ABI3BP: variants seen among roughly 807,000 people sequenced by gnomAD.
The protein encoded by ABI3BP is target of Nesh-SH3.
ABI3BP carries 216 observed loss-of-function variants against 268.6 expected under a neutral mutation model. The observed-to-expected ratio is 0.80, with a 90% CI of 0.72 to 0.90. The LOEUF is 0.90. Among genes scored for constraint, ABI3BP ranks in the 40% least tolerant of loss-of-function variants. ABI3BP has a pLI of 0.00. For missense variants in ABI3BP, 2,090 were observed against 2,182.4 expected (o/e 0.96, Z 0.84); for synonymous variants, 730 against 730.0 (o/e 1.00, Z 0.00).
chr3:100,985,928 C>T (rs1297517439), intron 1 of ABI3BP, among the ~76,000 whole-genome samples: 1 of 152,214 alleles, frequency 6.6e-6, no homozygotes, highest in Non-Finnish European at 1.5e-5. Flanking sequence ...ATATCACTTG[C>T]TACCAGCCAT....
At chr3:100,921,687 T>G (rs750521691) in intron 2 of ABI3BP, among the ~76,000 whole-genome samples, 10 of 152,206 alleles carry the variant, frequency 6.6e-5, no homozygotes, top group Non-Finnish European at 1.3e-4. Flanking sequence ...AAATTTCATA[T>G]GAATATTAAT....
chr3:100,950,671 TCAAA>T (rs1322875242), intron 1 of ABI3BP, among the ~76,000 whole-genome samples: 1 of 152,034 alleles, frequency 6.6e-6, no homozygotes, highest in African/African-American at 2.4e-5. Context: ...CTCTTGCTGG[TCAAA>T]CACTCTTTTC....
chr3:100,930,958 A>T (rs1383659349), intron 1 of ABI3BP: 2 of 152,116 alleles, frequency 1.3e-5, no homozygotes, highest in African/African-American at 4.8e-5. Context: ...ATACTAGCAA[A>T]TCAATCCAGT....
intron 4 of ABI3BP, among the ~76,000 whole-genome samples, chr3:100,896,970 A>G (rs928896509): frequency 1.3e-5 from 2 of 152,214 alleles, no homozygotes; most frequent in African/African-American, 4.8e-5. Context: ...AGATTTCCCA[A>G]CGTCAGATGA....
chr3:100,972,165 G>T (rs1448209306), intron 1 of ABI3BP, among the ~76,000 whole-genome samples: 3 of 152,024 alleles, frequency 2.0e-5, no homozygotes, highest in African/African-American at 4.8e-5. Context: ...AACAACATCT[G>T]CATTATATTT....
chr3:100,871,802 C>T (rs573262644), intron 9 of ABI3BP, among the ~76,000 whole-genome samples: 1 of 152,212 alleles, frequency 6.6e-6, no homozygotes, highest in South Asian at 2.1e-4. Context: ...GTAAGAAATT[C>T]TCCATGTGTT....
In ABI3BP at chr3:100,775,219, C is replaced by T; in HGVS notation, c.4450G>A (p.Gly1484Arg). ...DIKQPTVPAS[G>R]EELENITDFS... ...TGGCCATACGAACCCAGTTCTTCTC[C>T]AGAGGCAGGAACTGTTGGTTGCTTT... The change falls in exon 60 of 68, where the codon GGA (glycine) becomes AGA (arginine). Residue 1484 changes from glycine (G) to arginine (R), a missense_variant. Coordinates refer to ENST00000471714, the MANE Select transcript of ABI3BP (RefSeq NM_001375547.2). 6.2e-7 allele frequency: 1 copy of T among 1,612,674 alleles called. No homozygotes were observed. Among genetic ancestry groups the T allele is most frequent in the Non-Finnish European group, 8.5e-7 (1 of 1,179,370 alleles).
At chr3:100,790,246 C>A (rs78463890) in intron 55 of ABI3BP, among the ~76,000 whole-genome samples, 2,192 of 152,002 alleles carry the variant, frequency 0.014, 56 homozygotes, top group African/African-American at 0.05. Flanking sequence ...CTTGTGAGAA[C>A]CTGCTGAGAT....
At chr3:100,936,022 G>C (rs1277653885) in intron 1 of ABI3BP, among the ~76,000 whole-genome samples, 2 of 152,140 alleles carry the variant, frequency 1.3e-5, no homozygotes, top group Non-Finnish European at 2.9e-5. Context: ...ATGTTGAATA[G>C]GAGTGGGAGA....
chr3:100,834,585 C>A (rs1421651525), intron 29 of ABI3BP, 99 bp downstream of exon 29: 1 of 1,163,500 alleles, frequency 8.6e-7, no homozygotes, highest in African/African-American at 1.5e-5. Context: ...GGGCCTTCAC[C>A]CCAAGGGTCA....
At position 100,787,771 on chromosome 3, in the gene ABI3BP, C is replaced by T. The variant is rs968452442; in HGVS notation, c.4119G>A (p.Arg1373=). ...CACTGGGCATCCCACTGGGTTTGGG[C>T]CTAGTAGGTCTTGTAGTTGTCCTAT... ...VLNRTTTRPT[R]PKPSGMPSGN... Residue 1373 remains arginine, a synonymous_variant, in exon 57 of 68, where the codon AGG becomes AGA. Transcript: ENST00000471714. 8 of 1,532,126 alleles carry T rather than the reference C, an allele frequency of 5.2e-6. No individual in the cohort carries two copies. The highest frequency in any genetic ancestry group is 4.0e-5 in the Admixed American group (2 of 50,466). The allele number at this position is 1,532,126 out of a possible 1,614,324, so 94.9% of individuals were successfully genotyped here. A position where few individuals can be genotyped will look rare whatever the true frequency, so the allele number is the denominator to read the frequency against.
chr3:100,899,780 C>T (rs941650965), intron 3 of ABI3BP, among the ~76,000 whole-genome samples: 2 of 152,202 alleles, frequency 1.3e-5, no homozygotes, highest in African/African-American at 4.8e-5. Context: ...AACATACATA[C>T]TCTGTATTGC....
intron 57 of ABI3BP, among the ~76,000 whole-genome samples, chr3:100,786,764 A>G (rs2097059589): frequency 6.6e-6 from 1 of 152,160 alleles, no homozygotes. Flanking sequence ...AGAGTAGCTG[A>G]GCACAAATAG....
intron 6 of ABI3BP, among the ~76,000 whole-genome samples, chr3:100,884,804 A>G (rs1169871516): frequency 1.3e-5 from 2 of 151,884 alleles, no homozygotes; most frequent in African/African-American, 4.8e-5. Flanking sequence ...GTCCTTTGTT[A>G]CTCTTAATGG....
intron 1 of ABI3BP, among the ~76,000 whole-genome samples, chr3:100,947,222 C>T (rs1037893098): frequency 6.6e-6 from 1 of 151,990 alleles, no homozygotes; most frequent in Non-Finnish European, 1.5e-5. Context: ...CTATTAATGT[C>T]GTATTTGAGC....
chr3:100,923,825 G>T (rs180918756), intron 2 of ABI3BP, among the ~76,000 whole-genome samples: 1 of 152,140 alleles, frequency 6.6e-6, no homozygotes, highest in East Asian at 1.9e-4. Context: ...AATAGATCTG[G>T]GCAATTATTA....
At position 100,976,335 on chromosome 3, in the gene ABI3BP, C is replaced by G. The variant is rs557522449; in HGVS notation, c.79+16971G>C. Among the ~76,000 whole-genome samples, 6 of 152,242 alleles carry G rather than the reference C, an allele frequency of 3.9e-5. No homozygotes were observed. The East Asian group carries it at 1.2e-3, about 29-fold the overall frequency. Reference sequence around the variant, plus strand: ...TTTTTCTTTTTTTGATAAAACACTTCTGGAAATGCCATAAAATTGTGCAGA... The same window carrying G: ...TTTTTCTTTTTTTGATAAAACACTTGTGGAAATGCCATAAAATTGTGCAGA... On this transcript the variant is annotated intron_variant, in intron 1 of 67. Coordinates refer to ENST00000471714, the MANE Select transcript of ABI3BP (RefSeq NM_001375547.2).
chr3:100,816,877 A>C (rs1357612838), intron 42 of ABI3BP, 109 bp from the exon 43 acceptor site: 7 of 707,078 alleles, frequency 9.9e-6, no homozygotes, highest in Non-Finnish European at 1.6e-5. Flanking sequence ...TATGTCTTTT[A>C]AGATTAAAAT....
chr3:100,963,674 G>T (rs573631722), intron 1 of ABI3BP, among the ~76,000 whole-genome samples: 1 of 152,126 alleles, frequency 6.6e-6, no homozygotes, highest in Non-Finnish European at 1.5e-5. Context: ...TTCTCTCCAG[G>T]TTCATCTCTA....
Sources: gnomAD v4.1 joint callset for allele counts (sites outside exome capture counted in the v4.1 genomes callset) on GRCh38, gnomAD v4.1.1 for gene constraint, MANE v1.5 for transcripts, NCBI Gene and HGNC (gene_info 2026-07-23, HGNC 2026-07-21) for gene names.